Variants in FOXN3 observed in about 807,000 individuals in gnomAD.
The protein encoded by FOXN3 is forkhead box N3, also known as forkhead box protein N3.
FOXN3 carries 7 observed loss-of-function variants against 38.4 expected under a neutral mutation model. The ratio of observed to expected loss-of-function variants is 0.18; its 90% confidence interval spans 0.10 to 0.34. FOXN3 has a LOEUF of 0.34. Among genes scored for constraint, FOXN3 ranks in the 10% least tolerant of loss-of-function variants. The pLI is 1.00. For missense variants in FOXN3, 456 were observed against 613.4 expected (o/e 0.74, Z 2.71); for synonymous variants, 230 against 242.2 (o/e 0.95, Z 0.47).
chr14:89,193,289 T>C (rs915112780), intron 4 of FOXN3, among the ~76,000 whole-genome samples: 8 of 151,664 alleles, frequency 5.3e-5, no homozygotes, highest in Non-Finnish European at 4.4e-5. Flanking sequence ...TTCCTATTTA[T>C]ATGGCCAGAA....
At chr14:89,293,596 G>A (rs1023997740) in intron 3 of FOXN3, among the ~76,000 whole-genome samples, 7 of 152,128 alleles carry the variant, frequency 4.6e-5, no homozygotes, top group African/African-American at 1.2e-4. Flanking sequence ...TAAGGACAAC[G>A]TCATGTTGAG....
chr14:89,200,575 G>A (rs1387415898), intron 4 of FOXN3, among the ~76,000 whole-genome samples: 1 of 152,176 alleles, frequency 6.6e-6, no homozygotes, highest in Non-Finnish European at 1.5e-5. Flanking sequence ...GGAGTACCTT[G>A]ATACTCCCCA....
At chr14:89,334,030 C>CAA (rs1888361789) in intron 3 of FOXN3, among the ~76,000 whole-genome samples, 1 of 141,938 alleles carries the variant, frequency 7.0e-6, no homozygotes, top group Non-Finnish European at 1.5e-5. Context: ...GTGGTATACA[C>CAA]ACACACACAC....
At chr14:89,519,083 G>A (rs1045410842) in intron 1 of FOXN3, among the ~76,000 whole-genome samples, 4 of 152,032 alleles carry the variant, frequency 2.6e-5, no homozygotes, top group South Asian at 2.1e-4. Flanking sequence ...AACACGGTGC[G>A]CCTGCTCAAA....
intron 1 of FOXN3, among the ~76,000 whole-genome samples, chr14:89,555,882 G>GTGTGTGTGTGTGTGTGTGTGTGTGT (rs58769284): frequency 3.8e-5 from 4 of 104,604 alleles, no homozygotes; most frequent in Non-Finnish European, 6.1e-5. Context: ...TGTGTATGTG[G>GTGTGTGTGTGTGTGTGTGTGTGTGT]GGGTGTATGT....
intron 4 of FOXN3, among the ~76,000 whole-genome samples, chr14:89,215,966 A>G (rs986934495): frequency 3.9e-5 from 6 of 152,210 alleles, no homozygotes; most frequent in Admixed American, 3.9e-4. Flanking sequence ...ACCTCCTGAT[A>G]AAGTATATTA....
chr14:89,572,114 C>T (rs1895508537), intron 1 of FOXN3, among the ~76,000 whole-genome samples: 2 of 152,106 alleles, frequency 1.3e-5, no homozygotes. Context: ...CTTTCGGTAA[C>T]AATGGAATGG....
intron 3 of FOXN3, among the ~76,000 whole-genome samples, chr14:89,297,291 G>A (rs1017587774): frequency 1.3e-5 from 2 of 152,104 alleles, no homozygotes; most frequent in Non-Finnish European, 1.5e-5. Context: ...GGCCGGGCGC[G>A]GTGGCTCAGG....
At chr14:89,260,402 T>C (rs1265430760) in intron 4 of FOXN3, among the ~76,000 whole-genome samples, 1 of 152,230 alleles carries the variant, frequency 6.6e-6, no homozygotes, top group African/African-American at 2.4e-5. Context: ...ACCAGAGCTC[T>C]GGGCTGGCAC....
intron 1 of FOXN3, among the ~76,000 whole-genome samples, chr14:89,416,530 CATCTT>C (rs1037508789): frequency 8.5e-5 from 13 of 152,246 alleles, no homozygotes; most frequent in Non-Finnish European, 1.9e-4. Flanking sequence ...GCCTGTTTCT[CATCTT>C]GGGGTCTCCA....
chr14:89,547,408 C>T (rs889762002), intron 1 of FOXN3, among the ~76,000 whole-genome samples: 3 of 152,038 alleles, frequency 2.0e-5, no homozygotes, highest in African/African-American at 4.8e-5. Flanking sequence ...GCACGTGCCA[C>T]CATGCGTGGC....
At chr14:89,199,710 C>T (rs1329607326) in intron 4 of FOXN3, among the ~76,000 whole-genome samples, 1 of 152,104 alleles carries the variant, frequency 6.6e-6, no homozygotes, top group Non-Finnish European at 1.5e-5. Context: ...CAAGACCAGC[C>T]TGGCCAACAT....
At chr14:89,450,479 T>G (rs574417431) in intron 1 of FOXN3, among the ~76,000 whole-genome samples, 1 of 152,270 alleles carries the variant, frequency 6.6e-6, no homozygotes, top group African/African-American at 2.4e-5. Flanking sequence ...TTAAACACCA[T>G]GATGGACACC....
chr14:89,279,634 A>T (rs1434820504), intron 4 of FOXN3, among the ~76,000 whole-genome samples: 1 of 152,170 alleles, frequency 6.6e-6, no homozygotes, highest in East Asian at 1.9e-4. Context: ...AGATTTTTTT[A>T]AATTATGTGT....
chr14:89,176,654 C>A (rs1887527007), intron 5 of FOXN3, among the ~76,000 whole-genome samples: 1 of 152,230 alleles, frequency 6.6e-6, no homozygotes, highest in Non-Finnish European at 1.5e-5. Context: ...TTGGGTTCCA[C>A]TGACATGTGG....
At chr14:89,525,508 C>T (rs1171668743) in intron 1 of FOXN3, among the ~76,000 whole-genome samples, 2 of 152,116 alleles carry the variant, frequency 1.3e-5, no homozygotes, top group African/African-American at 2.4e-5. Context: ...TAATTCACCC[C>T]TTATTTAGCA....
chr14:89,417,422 A>G (rs1891777912), upstream of FOXN3: 1 of 147,380 alleles, frequency 6.8e-6, no homozygotes, highest in Non-Finnish European at 1.5e-5. Flanking sequence ...GCCAGGGCGG[A>G]GGCCGGGGCT....
chr14:89,354,388 G>A (rs2140014246), intron 2 of FOXN3, among the ~76,000 whole-genome samples: 1 of 150,414 alleles, frequency 6.6e-6, no homozygotes, highest in Middle Eastern at 3.5e-3. Flanking sequence ...ACCACGCCCG[G>A]CTAATTTCTG....
At chr14:89,534,689 A>C (rs1360980687) in intron 1 of FOXN3, among the ~76,000 whole-genome samples, 1 of 152,206 alleles carries the variant, frequency 6.6e-6, no homozygotes, top group Non-Finnish European at 1.5e-5. Flanking sequence ...CCCAGGCCAC[A>C]TCCCAAACCA....
Sources: allele counts gnomAD v4.1 joint callset (sites outside exome capture counted in the v4.1 genomes callset), GRCh38; gene constraint gnomAD v4.1.1; transcripts MANE v1.5; gene names NCBI Gene and HGNC (gene_info 2026-07-23, HGNC 2026-07-21).